Variants in SGTA observed in about 807,000 individuals in gnomAD.
SGTA encodes the protein small glutamine rich tetratricopeptide repeat co-chaperone alpha, also known as small glutamine-rich tetratricopeptide repeat-containing protein alpha.
SGTA carries 22 observed loss-of-function variants against 44.3 expected under a neutral mutation model. The ratio of observed to expected loss-of-function variants is 0.50; its 90% CI spans 0.36 to 0.71. The LOEUF is 0.71. SGTA is among the 30% of genes least tolerant of loss of function. SGTA has a pLI of 0.00. For missense variants in SGTA, 341 were observed against 435.9 expected, an observed-to-expected ratio of 0.78 and a Z score of 1.94; for synonymous variants, 174 against 177.6, an observed-to-expected ratio of 0.98 and a Z score of 0.16.
chr19:2,759,429 G>T, intron 8 of SGTA, 135 bp from the exon 9 acceptor site: 1 of 778,450 alleles, frequency 1.3e-6, no homozygotes, highest in Non-Finnish European at 2.2e-6. Context: ...CGGGCATTCG[G>T]TCTTTCATAC....
At chr19:2,777,958 A>C (rs1019112669) in intron 1 of SGTA, 1 of 150,564 alleles carries the variant, frequency 6.6e-6, no homozygotes, top group Non-Finnish European at 1.5e-5. Context: ...TGGAGACTGC[A>C]CTGAGCTGAG....
At chr19:2,770,996 C>T (rs563861562) in intron 1 of SGTA, among the ~76,000 whole-genome samples, 4 of 152,324 alleles carry the variant, frequency 2.6e-5, no homozygotes, top group Admixed American at 1.3e-4. Context: ...TGAGCTCGGA[C>T]GGGTTGTTCG....
rs768241035 is a variant in SGTA at position 2,763,636 on chromosome 19, C to T, written c.497+17G>A. 8.9e-6 allele frequency: 14 copies of T among 1,579,644 alleles called. 1 individual carries two copies. The highest frequency in any genetic ancestry group is 6.7e-5 in the South Asian group (6 of 89,936). On this transcript the variant is annotated intron_variant, in intron 6 of 11. Coordinates refer to ENST00000221566, the MANE Select transcript of SGTA (RefSeq NM_003021.4). This position sits in a 1 kb window ranked among gnomAD's most constrained non-coding sequence, Gnocchi z 5.8. ...TCCCGAGAGACTGGAAAGGCGCGGC[C>T]GTGGACAGGCACTCACCCCATCCTG...
chr19:2,765,376 C>T lies in SGTA; in HGVS notation c.293-91G>A. 4.2e-6 allele frequency: 4 copies of T among 950,696 alleles called. No homozygotes were observed. The South Asian group carries it at 5.6e-5, about 13-fold the overall frequency. 58.9% of individuals were successfully genotyped at this position (950,696 alleles called of 1,614,324 possible). A position where few individuals can be genotyped will look rare whatever the true frequency, so the allele number is the denominator to read the frequency against. ...GGAAAACACCGGCCTGGTGTCCACA[C>T]AGACCCGAGGGGGCGTCACACTTGG... On this transcript the variant is annotated intron_variant, in intron 4 of 11. Coordinates refer to ENST00000221566, the MANE Select transcript of SGTA (RefSeq NM_003021.4). This position sits in a 1 kb window ranked among gnomAD's most constrained non-coding sequence, Gnocchi z 5.5.
At position 2,773,635 on chromosome 19, in the gene SGTA, G is replaced by A. The variant is rs1202947581; in HGVS notation, c.-23-4544C>T. On this transcript the variant is annotated intron_variant, in intron 1 of 11. Coordinates refer to ENST00000221566, the MANE Select transcript of SGTA (RefSeq NM_003021.4). ...GACTCCGAGGGCAGAGATGGGTGAC[G>A]CGGCCACAGGGCAGGGACACCGAGG... Among the ~76,000 whole-genome samples, 2 of 31,348 alleles carry A rather than the reference G, an allele frequency of 6.4e-5. 1 individual carries two copies. The highest frequency in any genetic ancestry group is 9.6e-5 in the Non-Finnish European group (2 of 20,858). The allele number at this position is 31,348 out of a possible 152,430, so 20.6% of individuals were successfully genotyped here. A position where few individuals can be genotyped will look rare whatever the true frequency, so the allele number is the denominator to read the frequency against.
At chr19:2,774,650 T>G (rs1915402068) in intron 1 of SGTA, among the ~76,000 whole-genome samples, 1 of 152,080 alleles carries the variant, frequency 6.6e-6, no homozygotes, top group Admixed American at 6.5e-5. Context: ...ACCTGAGCAC[T>G]TCGCAGACCT....
intron 1 of SGTA, chr19:2,782,710 C>T (rs1179358157): frequency 6.6e-6 from 1 of 152,206 alleles, no homozygotes; most frequent in Admixed American, 6.5e-5. Flanking sequence ...TTCTCAGATT[C>T]CGCTGGACCC....
intron 5 of SGTA, among the ~76,000 whole-genome samples, chr19:2,764,649 T>C (rs182119795): frequency 6.6e-6 from 1 of 152,332 alleles, no homozygotes; most frequent in East Asian, 1.9e-4. Context: ...CTTGGCTCAC[T>C]GCAACCTCTG....
intron 1 of SGTA, among the ~76,000 whole-genome samples, chr19:2,778,852 C>G (rs1054909864): frequency 8.5e-5 from 13 of 152,112 alleles, no homozygotes; most frequent in African/African-American, 2.7e-4. Flanking sequence ...GAGGTGAATC[C>G]TAGGAGCTGG....
At chr19:2,757,316 C>T (rs374507592) in intron 11 of SGTA, 21 bp downstream of exon 11, 3 of 1,596,672 alleles carry the variant, frequency 1.9e-6, no homozygotes, top group Non-Finnish European at 2.5e-6. Flanking sequence ...CACCCCCCAG[C>T]CCCCGGCCCC....
chr19:2,775,857 T>C (rs1462917659), intron 1 of SGTA, among the ~76,000 whole-genome samples: 1 of 152,160 alleles, frequency 6.6e-6, no homozygotes, highest in Non-Finnish European at 1.5e-5. Context: ...CTCAATGTTT[T>C]AAAGGGGGAG....
chr19:2,755,971 G>T lies in SGTA; in HGVS notation c.*7-38C>A. On this transcript the variant is annotated intron_variant, in intron 11 of 11. Transcript: ENST00000221566. This position sits in a 1 kb window ranked among gnomAD's most constrained non-coding sequence, Gnocchi z 5.2. Reference sequence around the variant, plus strand: ...AGACATGAAGGCTGTCAGAGCGCAGGTGGGGACCAAGGCTGCACCACACAC... The same window carrying T: ...AGACATGAAGGCTGTCAGAGCGCAGTTGGGGACCAAGGCTGCACCACACAC... 1 of 981,964 alleles carries T rather than the reference G, an allele frequency of 1.0e-6. No individual in the cohort carries two copies. The highest frequency in any genetic ancestry group is 1.2e-6 in the Non-Finnish European group (1 of 826,746). 60.8% of individuals were successfully genotyped at this position (981,964 alleles called of 1,614,324 possible).
intron 4 of SGTA, among the ~76,000 whole-genome samples, chr19:2,766,743 GC>G (rs1331067502): frequency 6.6e-6 from 1 of 151,968 alleles, no homozygotes; most frequent in Non-Finnish European, 1.5e-5. Flanking sequence ...GCCTCTTCTT[GC>G]TTTTTGACTC....
chr19:2,764,233 T>C (rs1915079009), intron 5 of SGTA, among the ~76,000 whole-genome samples: 1 of 152,184 alleles, frequency 6.6e-6, no homozygotes. Flanking sequence ...AACTACCCCA[T>C]GACAGGCGGC....
At position 2,761,784 on chromosome 19, in the gene SGTA, A is replaced by G. The variant is rs1258168208; in HGVS notation, c.637-262T>C. Among the ~76,000 whole-genome samples the G allele has an allele frequency of 7.1e-6, 1 of 140,590 alleles. No individual in the cohort carries two copies. Among genetic ancestry groups the G allele is most frequent in the Admixed American group, 7.0e-5 (1 of 14,204 alleles). 92.2% of individuals were successfully genotyped at this position (140,590 alleles called of 152,430 possible). On this transcript the variant is annotated intron_variant, in intron 7 of 11. Coordinates refer to ENST00000221566, the MANE Select transcript of SGTA (RefSeq NM_003021.4). This position sits in a 1 kb window ranked among gnomAD's most constrained non-coding sequence, Gnocchi z 5.7. ...ATCATCCCGTGTTTATTCCCCGCAC[A>G]GCGCGACCGCCCGGGGACGGCACAG...
At chr19:2,771,553 G>T (rs1369837173) in intron 1 of SGTA, among the ~76,000 whole-genome samples, 2 of 148,938 alleles carry the variant, frequency 1.3e-5, no homozygotes, top group Non-Finnish European at 3.0e-5. Flanking sequence ...GTCCCCCATG[G>T]ATGGCGACAG....
intron 1 of SGTA, among the ~76,000 whole-genome samples, chr19:2,769,343 C>T (rs1441331389): frequency 6.6e-6 from 1 of 152,178 alleles, no homozygotes; most frequent in Non-Finnish European, 1.5e-5. Context: ...CCCTAGAGAA[C>T]CCGCGTGCTC....
chr19:2,780,298 G>T (rs1411764795), intron 1 of SGTA, among the ~76,000 whole-genome samples: 1 of 152,128 alleles, frequency 6.6e-6, no homozygotes, highest in Non-Finnish European at 1.5e-5. Context: ...ACCAACAGCA[G>T]GGCAGGAGAG....
rs549058373 is a variant in SGTA at position 2,761,087 on chromosome 19, G to A, written c.699+373C>T. Reference sequence around the variant, plus strand: ...AACCTTAGGAGGCAGACGCTGCTGTGTTGTGATCAGTGTCTCTGCACTGCG... The same window carrying A: ...AACCTTAGGAGGCAGACGCTGCTGTATTGTGATCAGTGTCTCTGCACTGCG... On this transcript the variant is annotated intron_variant, in intron 8 of 11. Coordinates refer to ENST00000221566, the MANE Select transcript of SGTA (RefSeq NM_003021.4). The surrounding 1 kb of genome is among the most constrained non-coding windows in gnomAD (Gnocchi z 5.7). 4.6e-5 allele frequency among the ~76,000 whole-genome samples: 7 copies of A among 152,366 alleles called. No homozygotes were observed. Among genetic ancestry groups the A allele is most frequent in the African/African-American group, 1.4e-4 (6 of 41,590 alleles).
Sources: gnomAD v4.1 joint callset for allele counts (sites outside exome capture counted in the v4.1 genomes callset) on GRCh38, gnomAD v4.1.1 for gene constraint, Gnocchi (gnomAD v3.1) non-coding constraint, MANE v1.5 for transcripts, NCBI Gene and HGNC (gene_info 2026-07-23, HGNC 2026-07-21) for gene names.